The following PLXDC2 variants were observed in gnomAD, a reference collection of about 807,000 sequenced individuals.
PLXDC2 encodes plexin domain containing 2.
Under a neutral mutation model 68.9 loss-of-function variants are expected in PLXDC2, and 40 were observed. The ratio of observed to expected loss-of-function variants is 0.58; its 90% CI spans 0.45 to 0.76. The LOEUF (loss-of-function observed/expected upper bound fraction) is 0.76, where lower values mean the gene tolerates loss of function less well. Ranked by LOEUF, PLXDC2 falls within the 30% of genes least tolerant of loss-of-function variation. The pLI is 0.00. For synonymous variants in PLXDC2, 243 were observed against 234.2 expected (o/e 1.04, Z -0.34); for missense variants, 644 against 661.9 (o/e 0.97, Z 0.30).
chr10:20,244,460 C>T (rs1299844576), intron 12 of PLXDC2, among the ~76,000 whole-genome samples: 1 of 152,134 alleles, frequency 6.6e-6, no homozygotes, highest in African/African-American at 2.4e-5. Flanking sequence ...GAAAGTTTTC[C>T]TTTGCTGTGG....
chr10:20,068,063 A>C, intron 3 of PLXDC2, 107 bp from the exon 4 acceptor site: 1 of 881,022 alleles, frequency 1.1e-6, no homozygotes, highest in South Asian at 1.8e-5. Context: ...TACAATAATT[A>C]TGGGGTAAAG....
At chr10:20,261,755 G>A (rs1422895244) in intron 13 of PLXDC2, among the ~76,000 whole-genome samples, 1 of 152,164 alleles carries the variant, frequency 6.6e-6, no homozygotes, top group East Asian at 1.9e-4. Flanking sequence ...TTGGGAGGCT[G>A]AGGCAGGAGA....
At chr10:20,236,280 A>G (rs1225681197) in intron 12 of PLXDC2, among the ~76,000 whole-genome samples, 4 of 151,960 alleles carry the variant, frequency 2.6e-5, no homozygotes, top group Admixed American at 2.6e-4. Context: ...CGTCTCTACT[A>G]AAAGTACAAA....
chr10:20,052,756 A>G (rs1305493919), intron 3 of PLXDC2, among the ~76,000 whole-genome samples: 1 of 151,734 alleles, frequency 6.6e-6, no homozygotes, highest in African/African-American at 2.4e-5. Flanking sequence ...GAAAGAAAAA[A>G]AGAAAAGAAA....
intron 6 of PLXDC2, among the ~76,000 whole-genome samples, chr10:20,161,891 C>T (rs773537423): frequency 2.4e-4 from 36 of 151,720 alleles, no homozygotes; most frequent in Admixed American, 1.8e-3. Flanking sequence ...GTTAGCTGGG[C>T]GCAGTGTCAC....
chr10:20,119,186 A>G (rs932326784), intron 4 of PLXDC2, among the ~76,000 whole-genome samples: 2 of 152,206 alleles, frequency 1.3e-5, no homozygotes, highest in Admixed American at 1.3e-4. Context: ...AGGGTGATGC[A>G]TTCTGAAGTA....
chr10:19,979,505 A>G (rs1422662745), intron 1 of PLXDC2, among the ~76,000 whole-genome samples: 1 of 151,156 alleles, frequency 6.6e-6, no homozygotes, highest in African/African-American at 2.4e-5. Context: ...CACCCTCTCA[A>G]TTGATTGCAG....
chr10:20,260,645 T>G (rs557888002), intron 13 of PLXDC2, among the ~76,000 whole-genome samples: 13 of 152,318 alleles, frequency 8.5e-5, no homozygotes, highest in African/African-American at 3.1e-4. Context: ...TGAATAATGG[T>G]ACTATGAACA....
At chr10:20,250,993 T>G (rs1835668254) in intron 13 of PLXDC2, among the ~76,000 whole-genome samples, 1 of 152,194 alleles carries the variant, frequency 6.6e-6, no homozygotes, top group African/African-American at 2.4e-5. Context: ...TTAGATTTCT[T>G]ACTGTAAAAA....
At chr10:19,916,131 G>GTT (rs1413590141) in intron 1 of PLXDC2, among the ~76,000 whole-genome samples, 5 of 124,546 alleles carry the variant, frequency 4.0e-5, no homozygotes, top group Non-Finnish European at 8.0e-5. Context: ...GTTGTGTTTT[G>GTT]TTTTGTTTTT....
At position 20,279,740 on chromosome 10, in the gene PLXDC2, G is replaced by T; in HGVS notation, c.1511G>T (p.Arg504Ile). ...PSRWPAMKFR[R>I]GSGHPAYAEV... ...AGATGGCCTGCGATGAAGTTTAGAAGAGGCTCTGGACATCCTGCCTATGCT... is the reference window on the plus strand; with the variant it reads ...AGATGGCCTGCGATGAAGTTTAGAATAGGCTCTGGACATCCTGCCTATGCT... The change falls in exon 14 of 14, where the codon AGA becomes ATA. Residue 504 changes from arginine (R) to isoleucine (I), a missense_variant. By Grantham distance (97) the Arg-to-Ile change is moderately conservative. Transcript: ENST00000377252. 1 of 1,613,970 alleles carries T rather than the reference G, an allele frequency of 6.2e-7. No homozygotes were observed. The highest frequency in any genetic ancestry group is 8.5e-7 in the Non-Finnish European group (1 of 1,179,940).
At chr10:20,064,769 C>T (rs1254722477) in intron 3 of PLXDC2, among the ~76,000 whole-genome samples, 1 of 152,126 alleles carries the variant, frequency 6.6e-6, no homozygotes, top group East Asian at 1.9e-4. Flanking sequence ...CTCACTCACT[C>T]CCAACTTTTA....
rs556505784 is a variant in PLXDC2 at position 19,842,695 on chromosome 10, T to G, written c.112+25504T>G. On this transcript the variant is annotated intron_variant, in intron 1 of 13. Coordinates refer to ENST00000377252, the MANE Select transcript of PLXDC2 (RefSeq NM_032812.9). ...TTTATCTTGCTCGGAGAAGGTGAAT[T>G]TGAAGGCAGCTAAACACATTGCAAA... Among the ~76,000 whole-genome samples the G allele has an allele frequency of 2.0e-5, 3 of 152,328 alleles. No homozygotes were observed. The East Asian group carries it at 5.8e-4, about 29-fold the overall frequency.
At chr10:19,909,458 A>G (rs1833227368) in intron 1 of PLXDC2, among the ~76,000 whole-genome samples, 1 of 152,182 alleles carries the variant, frequency 6.6e-6, no homozygotes. Context: ...CATATATTTC[A>G]CCAAAGTCAC....
At chr10:20,085,301 A>G (rs900435693) in intron 4 of PLXDC2, among the ~76,000 whole-genome samples, 3 of 152,136 alleles carry the variant, frequency 2.0e-5, no homozygotes, top group Non-Finnish European at 2.9e-5. Flanking sequence ...AACTGATAAA[A>G]TGTTAGAATG....
At chr10:20,223,612 C>T (rs932006671) in intron 12 of PLXDC2, among the ~76,000 whole-genome samples, 3 of 152,064 alleles carry the variant, frequency 2.0e-5, no homozygotes, top group African/African-American at 7.2e-5. Flanking sequence ...CCTGCCCAGC[C>T]TAGATCTCTT....
At chr10:20,109,517 C>T (rs1468644150) in intron 4 of PLXDC2, among the ~76,000 whole-genome samples, 1 of 152,060 alleles carries the variant, frequency 6.6e-6, no homozygotes, top group Non-Finnish European at 1.5e-5. Context: ...CTCATTATAC[C>T]AGAGTCTTTC....
chr10:19,964,063 A>G (rs1834206040), intron 1 of PLXDC2, among the ~76,000 whole-genome samples: 1 of 152,236 alleles, frequency 6.6e-6, no homozygotes, highest in Non-Finnish European at 1.5e-5. Context: ...ATCATCGGTT[A>G]TAAGCAATGT....
intron 3 of PLXDC2, among the ~76,000 whole-genome samples, chr10:20,059,692 TA>T (rs372894325): frequency 4.2e-4 from 64 of 152,314 alleles, no homozygotes; most frequent in African/African-American, 1.5e-3. Flanking sequence ...TTTGATCTTT[TA>T]ATTAGGTTTC....
Sources: gnomAD v4.1 joint callset for allele counts (sites outside exome capture counted in the v4.1 genomes callset) on GRCh38, gnomAD v4.1.1 for gene constraint, MANE v1.5 for transcripts, NCBI Gene and HGNC (gene_info 2026-07-23, HGNC 2026-07-21) for gene names.